The following CCBE1 variants were observed in gnomAD, a reference collection of about 807,000 sequenced individuals.
CCBE1 encodes collagen and calcium-binding EGF domain-containing protein 1.
A neutral mutation model predicts 50.0 loss-of-function variants in CCBE1; 37 were observed. The observed-to-expected ratio is 0.74, with a 90% CI of 0.57 to 0.97. The LOEUF is 0.97. CCBE1 is among the 50% of genes least tolerant of loss of function. The pLI, the probability that CCBE1 is intolerant of heterozygous loss-of-function variation, is 0.00. For missense variants in CCBE1, 538 were observed against 523.8 expected, an observed-to-expected ratio of 1.03 and a Z score of -0.26; for synonymous variants, 234 against 203.7, an observed-to-expected ratio of 1.15 and a Z score of -1.27.
At chr18:59,477,697 C>G (rs1015431079) in intron 3 of CCBE1, among the ~76,000 whole-genome samples, 2 of 152,094 alleles carry the variant, frequency 1.3e-5, no homozygotes, top group Non-Finnish European at 2.9e-5. Flanking sequence ...TAAAGCATAT[C>G]AAGGAGATGC....
chr18:59,674,138 G>A (rs988011980), intron 2 of CCBE1, among the ~76,000 whole-genome samples: 2 of 152,042 alleles, frequency 1.3e-5, no homozygotes, highest in African/African-American at 4.8e-5. Flanking sequence ...TATACCCAAA[G>A]GATTATAAAT....
chr18:59,684,633 TC>T, intron 2 of CCBE1, among the ~76,000 whole-genome samples: 1 of 152,224 alleles, frequency 6.6e-6, no homozygotes, highest in Non-Finnish European at 1.5e-5. Flanking sequence ...CAGTTGCATT[TC>T]CTTTTATTTC....
At chr18:59,487,440 A>C (rs1179498735) in intron 2 of CCBE1, among the ~76,000 whole-genome samples, 1 of 151,630 alleles carries the variant, frequency 6.6e-6, no homozygotes, top group Non-Finnish European at 1.5e-5. Flanking sequence ...ACTTTGTGTG[A>C]ACTACTAGAA....
At chr18:59,697,151 C>A in intron 1 of CCBE1, 61 bp downstream of exon 1, 1 of 1,545,204 alleles carries the variant, frequency 6.5e-7, no homozygotes, top group Non-Finnish European at 8.7e-7. Context: ...CCGCCCGCAC[C>A]CCGCGAGCCG....
chr18:59,469,721 T>A (rs2143733316), intron 3 of CCBE1, 114 bp from the exon 4 acceptor site: 1 of 1,348,382 alleles, frequency 7.4e-7, no homozygotes. Flanking sequence ...GTGTGAAGTG[T>A]GGACAGATAT....
chr18:59,492,580 A>C (rs978850723), intron 2 of CCBE1, among the ~76,000 whole-genome samples: 1 of 152,212 alleles, frequency 6.6e-6, no homozygotes, highest in African/African-American at 2.4e-5. Context: ...TGCGGAGGTG[A>C]TGAGCCATTT....
chr18:59,584,323 G>A (rs2053142932), intron 2 of CCBE1, among the ~76,000 whole-genome samples: 1 of 143,420 alleles, frequency 7.0e-6, no homozygotes, highest in Non-Finnish European at 1.5e-5. Flanking sequence ...ACACAGGAAA[G>A]GGAACATCAC....
chr18:59,576,896 C>T (rs2053005560), intron 2 of CCBE1, among the ~76,000 whole-genome samples: 1 of 152,162 alleles, frequency 6.6e-6, no homozygotes, highest in South Asian at 2.1e-4. Context: ...GTTTTGCCTA[C>T]CTGAAAGAGA....
intron 2 of CCBE1, among the ~76,000 whole-genome samples, chr18:59,621,301 G>C (rs143018081): frequency 6.6e-6 from 1 of 152,304 alleles, no homozygotes; most frequent in Non-Finnish European, 1.5e-5. Flanking sequence ...AGTTCATCAG[G>C]CAAGATGAAT....
chr18:59,524,964 A>G (rs1409154180), intron 2 of CCBE1, among the ~76,000 whole-genome samples: 2 of 152,150 alleles, frequency 1.3e-5, no homozygotes, highest in African/African-American at 4.8e-5. Context: ...TCACAGTGGT[A>G]TATGTACCAC....
intron 2 of CCBE1, among the ~76,000 whole-genome samples, chr18:59,489,615 G>A (rs1912996337): frequency 6.6e-6 from 1 of 152,126 alleles, no homozygotes; most frequent in Non-Finnish European, 1.5e-5. Flanking sequence ...GTTTTGCCAT[G>A]TTGGCCAGGC....
chr18:59,432,352 C>T lies in CCBE1; in HGVS notation c.*3556G>A, dbSNP rs1213826062. 7 of 152,110 alleles carry T rather than the reference C, an allele frequency of 4.6e-5. No individual in the cohort carries two copies. 9.4% of individuals were successfully genotyped at this position (152,110 alleles called of 1,614,324 possible). A position where few individuals can be genotyped will look rare whatever the true frequency, so the allele number is the denominator to read the frequency against. The stretch of plus-strand genomic sequence containing the variant: ...GTCCTGTGAAGAGGGTGCAAAAAAT[C>T]GAAGTCAACATTTCTACTAACAGGT... On this transcript the variant is annotated 3_prime_UTR_variant, in exon 11 of 11. Coordinates refer to ENST00000439986, the MANE Select transcript of CCBE1 (RefSeq NM_133459.4).
At position 59,438,144 on chromosome 18, in the gene CCBE1, C is replaced by T. The variant is rs768936342; in HGVS notation, c.954G>A (p.Gly318=). The part of the protein sequence containing the change: ...PGAPGRDGSK[G]ERGAPGPRGS... ...CTCTGGGCCCAGGCGCTCCTCTCTC[C>T]CCCTAAAAACAGAAAGGCCAGGGTT... The change falls in exon 10 of 11, where the codon GGG becomes GGA. Residue 318 remains glycine, a splice_region_variant and synonymous_variant. Transcript: ENST00000439986. 1.2e-6 allele frequency: 2 copies of T among 1,613,948 alleles called. No homozygotes were observed. The highest frequency in any genetic ancestry group is 1.7e-5 in the Admixed American group (1 of 59,996).
chr18:59,437,021 A>G (rs1188996616), intron 10 of CCBE1, among the ~76,000 whole-genome samples: 4 of 152,248 alleles, frequency 2.6e-5, no homozygotes, highest in Admixed American at 1.3e-4. Flanking sequence ...TAAAATGTTT[A>G]TAAGATGGCT....
intron 2 of CCBE1, among the ~76,000 whole-genome samples, chr18:59,549,384 GC>G (rs1915831306): frequency 6.6e-6 from 1 of 152,156 alleles, no homozygotes; most frequent in Non-Finnish European, 1.5e-5. Flanking sequence ...GTTTGAAGGA[GC>G]AAATGATACA....
chr18:59,540,531 G>A (rs1915427538), intron 2 of CCBE1, among the ~76,000 whole-genome samples: 2 of 152,090 alleles, frequency 1.3e-5, no homozygotes. Flanking sequence ...TCTATTTTTT[G>A]TTTTTGTTCC....
intron 2 of CCBE1, among the ~76,000 whole-genome samples, chr18:59,545,983 T>C (rs1232692808): frequency 1.3e-5 from 2 of 152,182 alleles, no homozygotes; most frequent in Admixed American, 1.3e-4. Flanking sequence ...CATCCCTATA[T>C]AATGCATTCT....
At chr18:59,599,674 G>A (rs1329947698) in intron 2 of CCBE1, among the ~76,000 whole-genome samples, 2 of 152,130 alleles carry the variant, frequency 1.3e-5, no homozygotes, top group African/African-American at 4.8e-5. Context: ...TCCTGAGCAG[G>A]ATTACTTACT....
At chr18:59,583,154 G>A (rs886064660) in intron 2 of CCBE1, among the ~76,000 whole-genome samples, 1 of 152,148 alleles carries the variant, frequency 6.6e-6, no homozygotes, top group African/African-American at 2.4e-5. Context: ...CTAACCCTGT[G>A]TTGGATTCAT....
Sources: gnomAD v4.1 joint callset for allele counts (sites outside exome capture counted in the v4.1 genomes callset) on GRCh38, gnomAD v4.1.1 for gene constraint, MANE v1.5 for transcripts, NCBI Gene and HGNC (gene_info 2026-07-23, HGNC 2026-07-21) for gene names.